Variants in AGMO observed in about 807,000 individuals in gnomAD.
AGMO encodes the protein glyceryl-ether monooxygenase.
A neutral mutation model predicts 60.2 loss-of-function variants in AGMO; 75 were observed. The observed-to-expected ratio is 1.25, with a 90% confidence interval of 1.03 to 1.51. The LOEUF is 1.51. AGMO is among the 40% of genes most tolerant of loss of function. The pLI is 0.00. For synonymous variants in AGMO, 261 were observed against 177.1 expected (o/e 1.47, Z -3.76); for missense variants, 763 against 525.5 (o/e 1.45, Z -4.42).
intron 12 of AGMO, among the ~76,000 whole-genome samples, chr7:15,207,803 G>A (rs1159156369): frequency 1.3e-5 from 2 of 152,084 alleles, no homozygotes; most frequent in African/African-American, 2.4e-5. Context: ...GCTTGGTGGC[G>A]GGCACCTGTA....
At chr7:15,354,515 T>C (rs1213888078) in intron 12 of AGMO, among the ~76,000 whole-genome samples, 2 of 90,086 alleles carry the variant, frequency 2.2e-5, no homozygotes, top group African/African-American at 1.1e-4. Context: ...TATATATATA[T>C]ATATATATAT....
chr7:15,155,419 C>CTTT, the AGMO span, among the ~76,000 whole-genome samples: 15 of 63,912 alleles, frequency 2.3e-4, 3 homozygotes, highest in African/African-American at 5.8e-4. Context: ...TACAGAATTT[C>CTTT]TTTTTTTTTT....
intron 12 of AGMO, among the ~76,000 whole-genome samples, chr7:15,285,472 C>T (rs1157127807): frequency 1.3e-5 from 2 of 151,874 alleles, no homozygotes. Flanking sequence ...ATTCCTTTTA[C>T]AATAGCTGAA....
intron 12 of AGMO, among the ~76,000 whole-genome samples, chr7:15,282,200 G>T (rs1392931185): frequency 6.6e-6 from 1 of 152,016 alleles, no homozygotes; most frequent in Non-Finnish European, 1.5e-5. Context: ...GATCATACTA[G>T]CTTTTGAGCA....
intron 12 of AGMO, among the ~76,000 whole-genome samples, chr7:15,335,610 C>G (rs1013378043): frequency 6.6e-6 from 1 of 152,112 alleles, no homozygotes; most frequent in African/African-American, 2.4e-5. Context: ...CAGACAGGCC[C>G]TGAAAATATA....
At chr7:15,467,793 T>G (rs1317015622) in intron 3 of AGMO, among the ~76,000 whole-genome samples, 1 of 152,158 alleles carries the variant, frequency 6.6e-6, no homozygotes, top group Non-Finnish European at 1.5e-5. Context: ...TTCTATAATT[T>G]TAAGGAAATA....
intron 12 of AGMO, among the ~76,000 whole-genome samples, chr7:15,364,652 G>T (rs1027403056): frequency 3.3e-5 from 5 of 151,996 alleles, no homozygotes; most frequent in African/African-American, 1.2e-4. Flanking sequence ...GTGAAATGCC[G>T]GGTTAACGGG....
intron 3 of AGMO, among the ~76,000 whole-genome samples, chr7:15,520,450 A>T (rs1035784676): frequency 1.3e-5 from 2 of 152,204 alleles, no homozygotes; most frequent in African/African-American, 2.4e-5. Context: ...AATTGGAAGT[A>T]AAACACTCCT....
intron 5 of AGMO, among the ~76,000 whole-genome samples, chr7:15,404,900 G>A (rs1457276445): frequency 6.6e-6 from 1 of 151,678 alleles, no homozygotes; most frequent in South Asian, 2.1e-4. Context: ...TTCCATTCTC[G>A]AATGTTAGAT....
chr7:15,520,680 T>C (rs903475459), intron 3 of AGMO, among the ~76,000 whole-genome samples: 11 of 152,170 alleles, frequency 7.2e-5, no homozygotes, highest in Admixed American at 1.3e-4. Flanking sequence ...ACCAGAATTC[T>C]CTGGGACACA....
chr7:15,281,568 T>C (rs1206964321), intron 12 of AGMO, among the ~76,000 whole-genome samples: 3 of 152,112 alleles, frequency 2.0e-5, no homozygotes, highest in Non-Finnish European at 2.9e-5. Context: ...GTGGATCACT[T>C]TCCTGCTAGC....
chr7:15,484,954 G>A (rs1441443992), intron 3 of AGMO, among the ~76,000 whole-genome samples: 4 of 151,980 alleles, frequency 2.6e-5, no homozygotes, highest in African/African-American at 9.7e-5. Context: ...TCTAAGGGGT[G>A]GTTGAGTAGG....
At chr7:15,360,634 TTGGAGGAGG>T (rs928954012) in intron 12 of AGMO, among the ~76,000 whole-genome samples, 18 of 150,532 alleles carry the variant, frequency 1.2e-4, no homozygotes, top group Middle Eastern at 3.2e-3. Context: ...GTGGCAGAGG[TTGGAGGAGG>T]TGGAGGAGGT....
At chr7:15,348,645 A>T (rs915641934) in intron 12 of AGMO, among the ~76,000 whole-genome samples, 5 of 152,048 alleles carry the variant, frequency 3.3e-5, no homozygotes, top group African/African-American at 9.7e-5. Flanking sequence ...CAGAGAATCT[A>T]CTTTTTTAAG....
chr7:15,351,977 G>C (rs1044874622), intron 12 of AGMO, among the ~76,000 whole-genome samples: 2 of 152,162 alleles, frequency 1.3e-5, no homozygotes, highest in South Asian at 2.1e-4. Context: ...ATTTACATTA[G>C]AATCTGCAAA....
At chr7:15,294,365 T>C (rs1246614522) in intron 12 of AGMO, among the ~76,000 whole-genome samples, 2 of 151,816 alleles carry the variant, frequency 1.3e-5, no homozygotes, top group Non-Finnish European at 2.9e-5. Context: ...ATGAAAGACA[T>C]GAAACAGAAA....
At chr7:15,180,511 C>T in the AGMO span, among the ~76,000 whole-genome samples, 10 of 152,102 alleles carry the variant, frequency 6.6e-5, no homozygotes, top group South Asian at 2.1e-4. Flanking sequence ...CTCACCAGAA[C>T]GCCTTTTACT....
chr7:15,510,731 C>G (rs1342716610), intron 3 of AGMO, among the ~76,000 whole-genome samples: 3 of 150,150 alleles, frequency 2.0e-5, no homozygotes, highest in Non-Finnish European at 4.4e-5. Context: ...CTAAATACAT[C>G]AAAAACTGTT....
At chr7:15,430,594 T>TGTTTTTTTTTAAAAAAAAACAACAACTG (rs1781201319) in intron 4 of AGMO, among the ~76,000 whole-genome samples, 1 of 74,334 alleles carries the variant, frequency 1.3e-5, no homozygotes, top group Admixed American at 1.2e-4. Flanking sequence ...GAGAATTAGT[T>TGTTTTTTTTTAAAAAAAAACAACAACTG]GTTTTTTTTA....
Sources: allele counts gnomAD v4.1 joint callset (sites outside exome capture counted in the v4.1 genomes callset), GRCh38; gene constraint gnomAD v4.1.1; transcripts MANE v1.5; gene names NCBI Gene and HGNC (gene_info 2026-07-23, HGNC 2026-07-21).